CCSER1: variants seen among roughly 807,000 people sequenced by gnomAD.
CCSER1 encodes coiled-coil serine rich protein 1.
CCSER1 carries 41 observed loss-of-function variants against 82.0 expected under a neutral mutation model. That is an observed-to-expected ratio of 0.50 (90% CI 0.39 to 0.65). The LOEUF is 0.65. Ranked by LOEUF, CCSER1 falls within the 30% of genes least tolerant of loss-of-function variation. The pLI is 0.00. For missense variants in CCSER1, 1,119 were observed against 1,064.2 expected, an observed-to-expected ratio of 1.05 and a Z score of -0.72; for synonymous variants, 414 against 383.9, an observed-to-expected ratio of 1.08 and a Z score of -0.92.
intron 6 of CCSER1, among the ~76,000 whole-genome samples, chr4:90,660,733 T>C (rs1190969773): frequency 2.0e-5 from 3 of 152,162 alleles, no homozygotes. Context: ...CATTTTAAAA[T>C]AGAGTCACAA....
intron 5 of CCSER1, 78 bp downstream of exon 5, chr4:90,468,432 T>A (rs1763917880): frequency 8.0e-7 from 1 of 1,253,812 alleles, no homozygotes; most frequent in Non-Finnish European, 1.1e-6. Context: ...TTATAATAAA[T>A]GTGTTAATAT....
chr4:91,580,931 T>G (rs904379339), intron 10 of CCSER1, among the ~76,000 whole-genome samples: 24 of 151,732 alleles, frequency 1.6e-4, no homozygotes, highest in Admixed American at 1.1e-3. Context: ...GTTAAAGAAT[T>G]TAGCCAAAAT....
intron 1 of CCSER1, among the ~76,000 whole-genome samples, chr4:90,234,224 T>C (rs1745313018): frequency 6.6e-6 from 1 of 151,804 alleles, no homozygotes; most frequent in African/African-American, 2.4e-5. Flanking sequence ...CTTTTTTTTT[T>C]TTTTCTTTTG....
intron 7 of CCSER1, among the ~76,000 whole-genome samples, chr4:90,783,539 C>T (rs1020882702): frequency 2.0e-5 from 3 of 152,106 alleles, no homozygotes; most frequent in Non-Finnish European, 4.4e-5. Context: ...TCTAGGGATC[C>T]CATCAGGTTC....
At chr4:90,851,110 G>T (rs765063938) in intron 8 of CCSER1, among the ~76,000 whole-genome samples, 2 of 152,134 alleles carry the variant, frequency 1.3e-5, no homozygotes, top group Non-Finnish European at 2.9e-5. Context: ...CTTCCACCAC[G>T]ATTGTTAAGT....
intron 3 of CCSER1, among the ~76,000 whole-genome samples, chr4:90,385,326 T>G (rs1749860260): frequency 6.6e-6 from 1 of 152,066 alleles, no homozygotes; most frequent in African/African-American, 2.4e-5. Context: ...ATACAGGTTG[T>G]ACTAATTTAC....
intron 10 of CCSER1, among the ~76,000 whole-genome samples, chr4:91,463,860 G>C (rs1037985200): frequency 1.4e-4 from 22 of 152,312 alleles, no homozygotes; most frequent in African/African-American, 4.8e-4. Context: ...TATGTGAAAA[G>C]ACCAAATCTA....
chr4:90,288,646 T>C (rs1730353543), intron 1 of CCSER1, among the ~76,000 whole-genome samples: 1 of 151,964 alleles, frequency 6.6e-6, no homozygotes, highest in Admixed American at 6.6e-5. Context: ...GACTGTAGTA[T>C]AATAATCAGG....
chr4:91,271,666 TATATATATGATATATATACACACAC>T (rs1159092365), intron 10 of CCSER1, among the ~76,000 whole-genome samples: 1 of 151,998 alleles, frequency 6.6e-6, no homozygotes, highest in African/African-American at 2.4e-5. Context: ...TATACACACA[TATATATATGATATATATACACACAC>T]ATATATATGA....
At chr4:90,230,168 A>G (rs1314087354) in intron 1 of CCSER1, among the ~76,000 whole-genome samples, 1 of 152,060 alleles carries the variant, frequency 6.6e-6, no homozygotes, top group Non-Finnish European at 1.5e-5. Context: ...CAGAATATAC[A>G]TTTTTTTCAG....
chr4:90,272,670 A>G (rs186935682), intron 1 of CCSER1, among the ~76,000 whole-genome samples: 1 of 152,244 alleles, frequency 6.6e-6, no homozygotes, highest in African/African-American at 2.4e-5. Context: ...ACATTTATCA[A>G]CTGATGAATA....
At chr4:90,320,477 A>T (rs1444408023) in intron 3 of CCSER1, among the ~76,000 whole-genome samples, 1 of 152,144 alleles carries the variant, frequency 6.6e-6, no homozygotes, top group Non-Finnish European at 1.5e-5. Context: ...TTATTTTAGG[A>T]TTATCAGCCT....
chr4:90,332,322 C>A (rs536261415), intron 3 of CCSER1, among the ~76,000 whole-genome samples: 1 of 151,706 alleles, frequency 6.6e-6, no homozygotes, highest in Non-Finnish European at 1.5e-5. Flanking sequence ...CTGCAACCTC[C>A]GCCTACTGGG....
At chr4:91,104,372 C>T (rs533460703) in intron 10 of CCSER1, among the ~76,000 whole-genome samples, 1 of 152,302 alleles carries the variant, frequency 6.6e-6, no homozygotes, top group East Asian at 1.9e-4. Flanking sequence ...GGTTTTGAGG[C>T]TCAGGTGGGC....
chr4:90,452,955 T>C (rs1429637798), intron 4 of CCSER1, among the ~76,000 whole-genome samples: 2 of 152,322 alleles, frequency 1.3e-5, no homozygotes, highest in Admixed American at 1.3e-4. Flanking sequence ...CCTTATATCC[T>C]GTTATCCAGA....
chr4:91,490,924 ATAT>A lies in CCSER1; in HGVS notation c.2218-107647_2218-107645del, dbSNP rs1560712511. Among the ~76,000 whole-genome samples the A allele has an allele frequency of 6.9e-4, 65 of 94,616 alleles. 1 individual carries two copies. The highest frequency in any genetic ancestry group is 1.1e-3 in the Non-Finnish European group (51 of 46,692). 62.1% of individuals were successfully genotyped at this position (94,616 alleles called of 152,430 possible). ...TATATATATATATATATATATATATATATAAAATATGCGTCTACTATGTACCCA... is the reference window on the plus strand; with the variant it reads ...TATATATATATATATATATATATATAAAAATATGCGTCTACTATGTACCCA... On this transcript the variant is annotated intron_variant, in intron 10 of 10. Coordinates refer to ENST00000509176, the MANE Select transcript of CCSER1 (RefSeq NM_001145065.2).
At chr4:90,575,188 G>A (rs1470575382) in intron 5 of CCSER1, among the ~76,000 whole-genome samples, 1 of 152,078 alleles carries the variant, frequency 6.6e-6, no homozygotes, top group African/African-American at 2.4e-5. Context: ...ACAAAATTCT[G>A]CAGACTGAGT....
At chr4:90,234,214 CT>C (rs555966703) in intron 1 of CCSER1, among the ~76,000 whole-genome samples, 263 of 141,276 alleles carry the variant, frequency 1.9e-3, no homozygotes, top group African/African-American at 2.5e-3. Context: ...CTCTCTTATT[CT>C]TTTTTTTTTT....
intron 5 of CCSER1, among the ~76,000 whole-genome samples, chr4:90,577,218 A>G (rs1287284811): frequency 1.3e-5 from 2 of 152,070 alleles, no homozygotes; most frequent in Non-Finnish European, 2.9e-5. Context: ...CATTAGGTTA[A>G]AAATGGGGTT....
Sources: allele counts gnomAD v4.1 joint callset (sites outside exome capture counted in the v4.1 genomes callset), GRCh38; gene constraint gnomAD v4.1.1; transcripts MANE v1.5; gene names NCBI Gene and HGNC (gene_info 2026-07-23, HGNC 2026-07-21).